The following ZMYND8 variants were observed in gnomAD, a reference collection of about 807,000 sequenced individuals.
ZMYND8 encodes MYND-type zinc finger-containing chromatin reader ZMYND8.
A neutral mutation model predicts 140.8 loss-of-function variants in ZMYND8; 37 were observed. The ratio of observed to expected loss-of-function variants is 0.26; its 90% CI spans 0.20 to 0.35. The LOEUF (loss-of-function observed/expected upper bound fraction) is 0.35, where lower values mean the gene tolerates loss of function less well. Among genes scored for constraint, ZMYND8 ranks in the 10% least tolerant of loss-of-function variants. The pLI, the probability that ZMYND8 is intolerant of heterozygous loss-of-function variation, is 1.00. For synonymous variants in ZMYND8, 592 were observed against 597.1 expected (o/e 0.99, Z 0.12); for missense variants, 1,068 against 1,570.0 (o/e 0.68, Z 5.40).
intron 11 of ZMYND8, among the ~76,000 whole-genome samples, chr20:47,266,689 C>T (rs940626380): frequency 3.3e-5 from 5 of 152,146 alleles, no homozygotes; most frequent in Non-Finnish European, 7.3e-5. Flanking sequence ...CACTCATCTC[C>T]ACCTCCCCTA....
At chr20:47,256,300 C>G (rs747165038) in intron 12 of ZMYND8, among the ~76,000 whole-genome samples, 3 of 150,604 alleles carry the variant, frequency 2.0e-5, no homozygotes, top group Non-Finnish European at 4.4e-5. Context: ...GGAAACATAG[C>G]GAGACCCTGT....
intron 21 of ZMYND8, among the ~76,000 whole-genome samples, chr20:47,213,176 A>T (rs181231896): frequency 1.2e-4 from 18 of 152,280 alleles, no homozygotes; most frequent in Admixed American, 1.0e-3. Context: ...GAGAGGATGG[A>T]GAAGGCACAC....
At chr20:47,265,843 C>T (rs753000656) in intron 11 of ZMYND8, among the ~76,000 whole-genome samples, 2 of 152,154 alleles carry the variant, frequency 1.3e-5, no homozygotes, top group Non-Finnish European at 2.9e-5. Context: ...AATAAATAAA[C>T]AAGTGTTGAG....
Position 47,210,749 on chromosome 20 carries a change from C to T in ZMYND8, c.*12G>A, listed in dbSNP as rs200349581. The T allele has an allele frequency of 9.3e-6, 15 of 1,614,034 alleles. No individual in the cohort carries two copies. The highest frequency in any genetic ancestry group is 1.2e-5 in the Non-Finnish European group (14 of 1,180,006). On this transcript the variant is annotated 3_prime_UTR_variant, in exon 23 of 23. Coordinates refer to ENST00000471951, the MANE Select transcript of ZMYND8 (RefSeq NM_001281775.3). ...TCCCAATGGGGTGGGTGGTTTGTGT[C>T]CCGATTCACTGCTAGTCCCAGAAGG...
chr20:47,262,797 G>A (rs547548118), intron 11 of ZMYND8, among the ~76,000 whole-genome samples: 5 of 152,226 alleles, frequency 3.3e-5, no homozygotes, highest in South Asian at 4.2e-4. Flanking sequence ...TGTGGAGAAC[G>A]GGAGCCAGGC....
intron 1 of ZMYND8, chr20:47,354,368 GA>G (rs2083045626): frequency 6.6e-6 from 1 of 152,208 alleles, no homozygotes; most frequent in Non-Finnish European, 1.5e-5. Context: ...CTTATGATTA[GA>G]TATTGCTTCT....
At chr20:47,269,996 C>A (rs537808666) in intron 11 of ZMYND8, among the ~76,000 whole-genome samples, 1 of 152,336 alleles carries the variant, frequency 6.6e-6, no homozygotes, top group Admixed American at 6.5e-5. Context: ...ATTATCCCAG[C>A]ATTTTGGGAG....
chr20:47,224,240 G>A, intron 19 of ZMYND8, 77 bp downstream of exon 19: 1 of 1,581,300 alleles, frequency 6.3e-7, no homozygotes, highest in Non-Finnish European at 8.6e-7. Flanking sequence ...TTAGCCCTGA[G>A]ACCCCTGAAG....
At position 47,317,248 on chromosome 20, in the gene ZMYND8, A is replaced by G. The variant is rs149293303; in HGVS notation, c.86-7044T>C. Among the ~76,000 whole-genome samples the G allele has an allele frequency of 3.7e-4, 57 of 152,346 alleles. No individual in the cohort carries two copies. The East Asian group carries it at 7.1e-3, about 19-fold the overall frequency. ...CTGATGACACCGTTCTCTCAAAGGC[A>G]GTCCCCAGAAAGCACATTCACCTCC... On this transcript the variant is annotated intron_variant, in intron 2 of 22. Coordinates refer to ENST00000471951, the MANE Select transcript of ZMYND8 (RefSeq NM_001281775.3).
intron 20 of ZMYND8, among the ~76,000 whole-genome samples, chr20:47,220,666 C>T (rs1165094427): frequency 6.6e-6 from 1 of 152,204 alleles, no homozygotes; most frequent in Non-Finnish European, 1.5e-5. Flanking sequence ...TCTGTCAGTC[C>T]GCTTTTAATT....
intron 7 of ZMYND8, 52 bp from the exon 8 acceptor site, chr20:47,287,336 G>C (rs772287576): frequency 6.7e-7 from 1 of 1,481,570 alleles, no homozygotes; most frequent in Non-Finnish European, 9.4e-7. Flanking sequence ...CGCAACACCG[G>C]GCCTGGGGAC....
At chr20:47,305,240 C>T (rs1007718260) in intron 3 of ZMYND8, among the ~76,000 whole-genome samples, 1 of 151,120 alleles carries the variant, frequency 6.6e-6, no homozygotes, top group African/African-American at 2.4e-5. Context: ...CAAAGCCCTG[C>T]CTCTTTTTTT....
intron 7 of ZMYND8, among the ~76,000 whole-genome samples, chr20:47,288,637 C>T (rs964600493): frequency 6.6e-6 from 1 of 152,088 alleles, no homozygotes; most frequent in Non-Finnish European, 1.5e-5. Context: ...AAGTGATCCG[C>T]CCGCCTCAGC....
rs1246199056 is a variant in ZMYND8, at chr20:47,318,599, T to TACAAGCCAG, written c.86-8396_86-8395insCTGGCTTGT. 1.0e-5 allele frequency: 4 copies of TACAAGCCAG among 390,044 alleles called. No homozygotes were observed. The East Asian group carries it at 2.9e-4, about 28-fold the overall frequency. 24.2% of individuals were successfully genotyped at this position (390,044 alleles called of 1,614,324 possible). A position where few individuals can be genotyped will look rare whatever the true frequency, so the allele number is the denominator to read the frequency against. ...GCCTAAGCCAGGAGGAACTTGTAAA[T>TACAAGCCAG]GAAAACCGCTCGCATTAGCAAATGA... is the stretch of plus-strand genomic sequence containing the variant. On this transcript the variant is annotated intron_variant, in intron 2 of 22. Coordinates refer to ENST00000471951, the MANE Select transcript of ZMYND8 (RefSeq NM_001281775.3).
intron 4 of ZMYND8, among the ~76,000 whole-genome samples, chr20:47,296,534 T>C (rs528679807): frequency 6.6e-6 from 1 of 152,270 alleles, no homozygotes; most frequent in East Asian, 1.9e-4. Context: ...ACATGTCACC[T>C]CAACAATGAG....
intron 5 of ZMYND8, among the ~76,000 whole-genome samples, 171 bp downstream of exon 5, chr20:47,294,495 G>T (rs2077517600): frequency 6.6e-6 from 1 of 152,170 alleles, no homozygotes; most frequent in Middle Eastern, 3.2e-3. Flanking sequence ...CTACGACAGA[G>T]AATTAACTGA....
At chr20:47,275,871 A>G (rs2147787907) in intron 11 of ZMYND8, among the ~76,000 whole-genome samples, 1 of 152,324 alleles carries the variant, frequency 6.6e-6, no homozygotes. Flanking sequence ...GCCCTCCCAA[A>G]GTGCTGGGAC....
intron 1 of ZMYND8, chr20:47,355,482 CCA>C (rs2083145977): frequency 5.1e-6 from 5 of 985,354 alleles, no homozygotes; most frequent in South Asian, 4.7e-5. Flanking sequence ...TCTCATTTTT[CCA>C]CAGTTAGGAA....
At chr20:47,304,518 T>C (rs1364564057) in intron 3 of ZMYND8, among the ~76,000 whole-genome samples, 1 of 152,226 alleles carries the variant, frequency 6.6e-6, no homozygotes, top group Non-Finnish European at 1.5e-5. Context: ...TGCAGACACC[T>C]GGTCTACATA....
Sources: gnomAD v4.1 joint callset for allele counts (sites outside exome capture counted in the v4.1 genomes callset) on GRCh38, gnomAD v4.1.1 for gene constraint, MANE v1.5 for transcripts, NCBI Gene and HGNC (gene_info 2026-07-23, HGNC 2026-07-21) for gene names.